NAALADL2: variants seen among roughly 807,000 people sequenced by gnomAD.
NAALADL2 encodes the protein N-acetylated alpha-linked acidic dipeptidase like 2.
In NAALADL2, 76 loss-of-function variants were observed where a neutral mutation model predicts 87.2. That is an observed-to-expected ratio of 0.87 (90% CI 0.72 to 1.05). The LOEUF is 1.05. Ranked by LOEUF, NAALADL2 falls within the 50% of genes least tolerant of loss-of-function variation. The probability of loss-of-function intolerance (pLI) is 0.00; values close to 1 mark genes in which losing one functional copy is unlikely to be tolerated. For synonymous variants in NAALADL2, 354 were observed against 331.0 expected (o/e 1.07, Z -0.75); for missense variants, 1,089 against 945.8 (o/e 1.15, Z -1.99).
chr3:174,996,485 A>G (rs1293318431), intron 1 of NAALADL2, among the ~76,000 whole-genome samples: 1 of 148,104 alleles, frequency 6.8e-6, no homozygotes, highest in Non-Finnish European at 1.5e-5. Context: ...CAACAGAGCA[A>G]GACTCTGTCT....
chr3:174,883,441 C>T (rs546629042), intron 1 of NAALADL2, among the ~76,000 whole-genome samples: 23 of 152,180 alleles, frequency 1.5e-4, no homozygotes, highest in African/African-American at 5.1e-4. Flanking sequence ...ACACAACTAT[C>T]CTTCATACAA....
At chr3:174,799,378 A>G (rs1042835817) in intron 3 of NAALADL2, among the ~76,000 whole-genome samples, 2 of 152,044 alleles carry the variant, frequency 1.3e-5, no homozygotes, top group Non-Finnish European at 2.9e-5. Context: ...TAACTGAATC[A>G]TGGGAGAAGG....
chr3:175,604,373 C>T (rs549323328), intron 10 of NAALADL2, among the ~76,000 whole-genome samples: 8 of 149,420 alleles, frequency 5.4e-5, no homozygotes, highest in South Asian at 2.1e-4. Context: ...GTGCCATCTC[C>T]GCTCACTGCA....
intron 1 of NAALADL2, among the ~76,000 whole-genome samples, chr3:174,936,983 T>C (rs1445786746): frequency 1.3e-5 from 2 of 152,102 alleles, no homozygotes; most frequent in South Asian, 2.1e-4. Context: ...TGCAGTATAG[T>C]GTCCTTTACC....
chr3:174,558,873 A>T lies in NAALADL2; in HGVS notation c.-115+8236A>T, dbSNP rs1443059115. ...TGAAAATTTGTGACTTTTGGAGAAT[A>T]TGCTGAAAGAAGCAGCTGCTTCCCC... On this transcript the variant is annotated intron_variant, in intron 2 of 3. Coordinates refer to the NAALADL2 transcript ENST00000434257. 2.0e-5 allele frequency among the ~76,000 whole-genome samples: 3 copies of T among 152,304 alleles called. No individual in the cohort carries two copies. The East Asian group carries it at 5.8e-4, about 29-fold the overall frequency.
intron 1 of NAALADL2, among the ~76,000 whole-genome samples, chr3:174,467,910 A>G (rs1194166840): frequency 1.3e-5 from 2 of 152,104 alleles, no homozygotes; most frequent in African/African-American, 2.4e-5. Flanking sequence ...ATAATGCTCT[A>G]AACTCCCTCT....
intron 11 of NAALADL2, among the ~76,000 whole-genome samples, chr3:175,708,864 C>T (rs554400901): frequency 6.6e-6 from 1 of 151,858 alleles, no homozygotes; most frequent in African/African-American, 2.4e-5. Flanking sequence ...TATATGACTG[C>T]TGTTGCAGAA....
At chr3:174,504,929 TG>T (rs755833408) in intron 1 of NAALADL2, among the ~76,000 whole-genome samples, 4 of 152,124 alleles carry the variant, frequency 2.6e-5, no homozygotes, top group Non-Finnish European at 5.9e-5. Flanking sequence ...TACTATCTCA[TG>T]AAGGCATGAA....
chr3:175,609,037 C>G (rs576743336), intron 10 of NAALADL2, among the ~76,000 whole-genome samples: 2 of 151,444 alleles, frequency 1.3e-5, no homozygotes, highest in Admixed American at 6.6e-5. Flanking sequence ...TTGTACTAAG[C>G]GCTCTTTCTG....
chr3:175,499,901 A>G (rs893915473), intron 9 of NAALADL2, among the ~76,000 whole-genome samples: 2 of 152,090 alleles, frequency 1.3e-5, no homozygotes, highest in East Asian at 3.9e-4. Flanking sequence ...AGTAGAGTCT[A>G]AAATGGTGCA....
intron 5 of NAALADL2, among the ~76,000 whole-genome samples, chr3:175,359,142 T>G (rs955726912): frequency 4.6e-5 from 7 of 152,082 alleles, no homozygotes; most frequent in Admixed American, 2.0e-4. Flanking sequence ...TTGCACAATC[T>G]CCAAAGTAGC....
chr3:174,898,369 C>T (rs191538695), intron 1 of NAALADL2, among the ~76,000 whole-genome samples: 324 of 149,980 alleles, frequency 2.2e-3, no homozygotes, highest in African/African-American at 7.3e-3. Flanking sequence ...ATAGATAATG[C>T]GATAATAATA....
intron 10 of NAALADL2, among the ~76,000 whole-genome samples, chr3:175,610,149 C>T (rs1445742238): frequency 6.6e-6 from 1 of 152,102 alleles, no homozygotes; most frequent in African/African-American, 2.4e-5. Context: ...AGGACTTAAA[C>T]ATATATGATC....
intron 3 of NAALADL2, among the ~76,000 whole-genome samples, chr3:174,829,993 T>C (rs1722476347): frequency 3.1e-5 from 4 of 130,388 alleles, no homozygotes; most frequent in East Asian, 2.1e-4. Flanking sequence ...TTTGTTTGAG[T>C]TCATTGTAGA....
chr3:174,836,708 CAAAAAA>C (rs36091749), intron 3 of NAALADL2, among the ~76,000 whole-genome samples: 22 of 65,382 alleles, frequency 3.4e-4, no homozygotes, highest in African/African-American at 1.2e-3. Flanking sequence ...GACTCCGTCT[CAAAAAA>C]AAAAAAAAAA....
At chr3:175,356,034 A>G (rs1364693226) in intron 5 of NAALADL2, among the ~76,000 whole-genome samples, 2 of 152,176 alleles carry the variant, frequency 1.3e-5, no homozygotes, top group African/African-American at 4.8e-5. Context: ...CATATCTTGG[A>G]TAAAAACAAA....
chr3:175,000,651 C>T (rs1239471871), intron 1 of NAALADL2, among the ~76,000 whole-genome samples: 1 of 152,048 alleles, frequency 6.6e-6, no homozygotes, highest in Non-Finnish European at 1.5e-5. Flanking sequence ...CTTTCCTATA[C>T]TGATTTGAAG....
chr3:175,612,259 C>T (rs1379133321), intron 10 of NAALADL2, among the ~76,000 whole-genome samples: 1 of 152,112 alleles, frequency 6.6e-6, no homozygotes, highest in Non-Finnish European at 1.5e-5. Context: ...TTTAAACAAC[C>T]ATTCATTTCT....
intron 13 of NAALADL2, among the ~76,000 whole-genome samples, chr3:175,765,748 TAAC>T (rs1451409808): frequency 6.6e-6 from 1 of 152,092 alleles, no homozygotes; most frequent in African/African-American, 2.4e-5. Flanking sequence ...AGACTAACAA[TAAC>T]AACAATACTT....
Sources: gnomAD v4.1 joint callset for allele counts (sites outside exome capture counted in the v4.1 genomes callset) on GRCh38, gnomAD v4.1.1 for gene constraint, MANE v1.5 for transcripts, NCBI Gene and HGNC (gene_info 2026-07-23, HGNC 2026-07-21) for gene names.